DCLK2: variants seen among roughly 807,000 people sequenced by gnomAD.
DCLK2 encodes the protein serine/threonine-protein kinase DCLK2.
In DCLK2, 31 loss-of-function variants were observed where a neutral mutation model predicts 78.4. The ratio of observed to expected loss-of-function variants is 0.40; its 90% confidence interval spans 0.30 to 0.53. The LOEUF is 0.53. Ranked by LOEUF, DCLK2 falls within the 20% of genes least tolerant of loss-of-function variation. The probability of loss-of-function intolerance (pLI) is 0.61; values close to 1 mark genes in which losing one functional copy is unlikely to be tolerated. For synonymous variants in DCLK2, 407 were observed against 374.9 expected, an observed-to-expected ratio of 1.09 and a Z score of -0.99; for missense variants, 872 against 973.7, an observed-to-expected ratio of 0.90 and a Z score of 1.39.
At chr4:150,128,026 C>T (rs1733039647) in intron 2 of DCLK2, among the ~76,000 whole-genome samples, 1 of 151,674 alleles carries the variant, frequency 6.6e-6, no homozygotes, top group Non-Finnish European at 1.5e-5. Flanking sequence ...AATTCGATGA[C>T]TGCGTGATTC....
Position 150,232,202 on chromosome 4 carries a change from G to A in DCLK2, c.1300-135G>A, listed in dbSNP as rs145229975. 124 of 1,114,320 alleles carry A rather than the reference G, an allele frequency of 1.1e-4. No individual in the cohort carries two copies. In the Admixed American group the frequency reaches 2.7e-3, roughly 25 times the overall value. The allele number at this position is 1,114,320 out of a possible 1,614,324, so 69.0% of individuals were successfully genotyped here. A position where few individuals can be genotyped will look rare whatever the true frequency, so the allele number is the denominator to read the frequency against. On this transcript the variant is annotated intron_variant, in intron 8 of 15. Coordinates refer to ENST00000296550, the MANE Select transcript of DCLK2 (RefSeq NM_001040260.4). ...TACAGGGACAATTAGGTCAGGTTTA[G>A]TTGTCTTTGTGCCAAGAGCAATGCT...
At chr4:150,102,881 T>G (rs2150154297) in intron 2 of DCLK2, 69 bp downstream of exon 2, 1 of 1,401,220 alleles carries the variant, frequency 7.1e-7, no homozygotes. Context: ...GGCTACATAG[T>G]CAACAATAGA....
intron 5 of DCLK2, among the ~76,000 whole-genome samples, chr4:150,217,905 T>C (rs1381174059): frequency 6.6e-6 from 1 of 152,246 alleles, no homozygotes; most frequent in Non-Finnish European, 1.5e-5. Flanking sequence ...TTAAAAAATA[T>C]TAATTTGACA....
intron 12 of DCLK2, among the ~76,000 whole-genome samples, chr4:150,247,255 G>A (rs978680821): frequency 1.6e-4 from 24 of 152,096 alleles, no homozygotes; most frequent in African/African-American, 4.6e-4. Flanking sequence ...ATTTTTAAGC[G>A]TACAGTTCAG....
At chr4:150,144,066 T>A (rs1002581402) in intron 2 of DCLK2, among the ~76,000 whole-genome samples, 1 of 152,202 alleles carries the variant, frequency 6.6e-6, no homozygotes, top group African/African-American at 2.4e-5. Context: ...TTTGTCTATT[T>A]TAATTTTTGT....
chr4:150,105,245 A>T (rs1337624319), intron 2 of DCLK2, among the ~76,000 whole-genome samples: 1 of 152,200 alleles, frequency 6.6e-6, no homozygotes, highest in East Asian at 1.9e-4. Flanking sequence ...TGAATGGACA[A>T]CATAAAAATG....
chr4:150,224,727 A>C (rs908808380), intron 8 of DCLK2, among the ~76,000 whole-genome samples, 169 bp downstream of exon 8: 13 of 152,202 alleles, frequency 8.5e-5, no homozygotes, highest in Non-Finnish European at 1.9e-4. Flanking sequence ...TATTTTTCAG[A>C]AACTTTAATC....
At chr4:150,199,728 A>G (rs1739323786) in intron 4 of DCLK2, among the ~76,000 whole-genome samples, 1 of 152,238 alleles carries the variant, frequency 6.6e-6, no homozygotes, top group Admixed American at 6.5e-5. Context: ...TCTGTAAAGT[A>G]TCTTAAAACT....
chr4:150,083,922 G>A lies in DCLK2; in HGVS notation c.421+4474G>A, dbSNP rs570744010. 2.0e-5 allele frequency among the ~76,000 whole-genome samples: 3 copies of A among 152,252 alleles called. No homozygotes were observed. The South Asian group carries it at 6.2e-4, about 32-fold the overall frequency. The stretch of plus-strand genomic sequence containing the variant: ...TCCTAGACATGGTCAAATGCCTATG[G>A]TCTCTTCCTTCAAAAAATGCACATT... On this transcript the variant is annotated intron_variant, in intron 1 of 15. Transcript: ENST00000296550.
chr4:150,126,205 A>AG (rs397747333), intron 2 of DCLK2, among the ~76,000 whole-genome samples: 29 of 151,030 alleles, frequency 1.9e-4, no homozygotes, highest in Non-Finnish European at 3.5e-4. Flanking sequence ...ACGACAGAAA[A>AG]TGTTTTTTGG....
At chr4:150,219,551 G>A (rs769449618) in intron 5 of DCLK2, among the ~76,000 whole-genome samples, 4 of 152,044 alleles carry the variant, frequency 2.6e-5, no homozygotes, top group Admixed American at 1.3e-4. Flanking sequence ...GTGCACCACC[G>A]CACCAAGCCC....
At position 150,220,725 on chromosome 4, in the gene DCLK2, C is replaced by T; in HGVS notation, c.1079C>T (p.Ser360Phe). 3 of 1,613,732 alleles carry T rather than the reference C, an allele frequency of 1.9e-6. No individual in the cohort carries two copies. Among genetic ancestry groups the T allele is most frequent in the Non-Finnish European group, 2.5e-6 (3 of 1,179,802 alleles). The change falls in exon 6 of 16, where the codon TCT (serine) becomes TTT (phenylalanine). Residue 360 changes from serine (S) to phenylalanine (F), a missense_variant. Ser to Phe is a radical substitution (Grantham distance 155). This residue lies in a region of DCLK2 where 567 missense variants were observed against 593.4 expected (regional missense o/e 0.96). Transcript: ENST00000296550. Reference sequence around the variant, plus strand: ...CAGCAGATTTCTGCTCATGGCAGATCTTCTTCCAATGTAAACGGTGGACCT... The same window carrying T: ...CAGCAGATTTCTGCTCATGGCAGATTTTCTTCCAATGTAAACGGTGGACCT... Reference protein sequence around the residue: ...GLKQISAHGRSSSNVNGGPEL... With the variant: ...GLKQISAHGRFSSNVNGGPEL...
intron 10 of DCLK2, among the ~76,000 whole-genome samples, chr4:150,237,744 T>C (rs564324300): frequency 9.8e-5 from 15 of 152,344 alleles, no homozygotes; most frequent in African/African-American, 3.4e-4. Flanking sequence ...AAAAACATCA[T>C]TTTCTAAATT....
intron 7 of DCLK2, 76 bp from the exon 8 acceptor site, chr4:150,224,425 T>G: frequency 7.3e-7 from 1 of 1,376,102 alleles, no homozygotes; most frequent in Non-Finnish European, 9.9e-7. Flanking sequence ...AAAATTAAAG[T>G]ATAAAAAAGA....
chr4:150,144,515 A>G (rs1178832811), intron 2 of DCLK2, among the ~76,000 whole-genome samples: 1 of 152,148 alleles, frequency 6.6e-6, no homozygotes, highest in Non-Finnish European at 1.5e-5. Context: ...AGGCAACATG[A>G]TACCTCCAGA....
chr4:150,249,812 C>T, intron 15 of DCLK2, 128 bp downstream of exon 15: 1 of 783,462 alleles, frequency 1.3e-6, no homozygotes, highest in Non-Finnish European at 2.2e-6. Flanking sequence ...TGAAGATTGG[C>T]TTGGCATGTG....
intron 15 of DCLK2, 115 bp downstream of exon 15, chr4:150,249,799 A>G: frequency 1.2e-6 from 1 of 839,050 alleles, no homozygotes; most frequent in South Asian, 1.4e-5. Context: ...GTCCTATTTC[A>G]TATGAAGATT....
intron 2 of DCLK2, among the ~76,000 whole-genome samples, chr4:150,176,488 C>T (rs925885033): frequency 6.6e-6 from 1 of 152,156 alleles, no homozygotes; most frequent in African/African-American, 2.4e-5. Flanking sequence ...AGTTTCCTTG[C>T]CACACCATGA....
At chr4:150,102,953 ATG>A (rs10598187) in intron 2 of DCLK2, 141 bp downstream of exon 2, 237,945 of 653,602 alleles carry the variant, frequency 0.36, 44,579 homozygotes, top group Non-Finnish European at 0.39. Context: ...GTGTGTGTGT[ATG>A]TGTGTGTGTG....
Sources: gnomAD v4.1 joint callset for allele counts (sites outside exome capture counted in the v4.1 genomes callset) on GRCh38, gnomAD v4.1.1 for gene constraint, gnomAD v4.1.1 regional missense constraint, MANE v1.5 for transcripts, NCBI Gene and HGNC (gene_info 2026-07-23, HGNC 2026-07-21) for gene names.